Variants in SOX5 observed in about 807,000 individuals in gnomAD.
SOX5 encodes the protein SRY-box transcription factor 5, also known as transcription factor SOX-5.
SOX5 carries 9 observed loss-of-function variants against 92.0 expected under a neutral mutation model. The ratio of observed to expected loss-of-function variants is 0.10; its 90% CI spans 0.06 to 0.17. The LOEUF is 0.17. SOX5 is among the 10% of genes least tolerant of loss of function. The probability of loss-of-function intolerance (pLI) is 1.00; values close to 1 mark genes in which losing one functional copy is unlikely to be tolerated. For synonymous variants in SOX5, 344 were observed against 336.3 expected (o/e 1.02, Z -0.25); for missense variants, 642 against 944.5 (o/e 0.68, Z 4.20).
At chr12:24,363,455 T>C (rs1194935016) in intron 2 of SOX5, among the ~76,000 whole-genome samples, 1 of 152,066 alleles carries the variant, frequency 6.6e-6, no homozygotes. Flanking sequence ...CAATATTGAG[T>C]AGAAAGAGCA....
At chr12:23,980,127 G>A (rs529790185) in intron 4 of SOX5, among the ~76,000 whole-genome samples, 28 of 152,074 alleles carry the variant, frequency 1.8e-4, no homozygotes, top group Non-Finnish European at 4.0e-4. Context: ...GCCATAATGA[G>A]TTTTTTTAGC....
intron 1 of SOX5, among the ~76,000 whole-genome samples, chr12:24,420,626 G>C (rs969290335): frequency 2.0e-5 from 3 of 152,072 alleles, no homozygotes; most frequent in Non-Finnish European, 1.5e-5. Flanking sequence ...TATATGAACT[G>C]TACAACTTGG....
chr12:24,253,262 G>A (rs1404552300), intron 3 of SOX5, among the ~76,000 whole-genome samples: 9 of 144,624 alleles, frequency 6.2e-5, no homozygotes, highest in African/African-American at 1.3e-4. Flanking sequence ...AGAGAAGCAC[G>A]TGCACATCTT....
At chr12:24,556,938 G>T (rs1351658791) in intron 1 of SOX5, among the ~76,000 whole-genome samples, 3 of 152,108 alleles carry the variant, frequency 2.0e-5, no homozygotes, top group African/African-American at 7.2e-5. Flanking sequence ...CGTTATTAAT[G>T]ATCAGAACCT....
intron 7 of SOX5, among the ~76,000 whole-genome samples, chr12:23,661,170 C>A (rs376526094): frequency 5.9e-5 from 9 of 152,100 alleles, no homozygotes; most frequent in Non-Finnish European, 1.0e-4. Context: ...GCCAATCATG[C>A]GGATTTTTAA....
intron 9 of SOX5, among the ~76,000 whole-genome samples, chr12:23,588,518 A>T (rs1287209342): frequency 6.6e-6 from 1 of 152,034 alleles, no homozygotes; most frequent in Non-Finnish European, 1.5e-5. Context: ...ATAAATTTAC[A>T]GTCTGAATTC....
At chr12:24,397,248 T>C (rs1334493718) in intron 1 of SOX5, among the ~76,000 whole-genome samples, 1 of 152,126 alleles carries the variant, frequency 6.6e-6, no homozygotes, top group Non-Finnish European at 1.5e-5. Context: ...GAAAAGGTGA[T>C]TGAGGGAAAT....
chr12:23,588,986 TAA>T (rs955213769), intron 9 of SOX5, among the ~76,000 whole-genome samples: 6 of 151,938 alleles, frequency 3.9e-5, no homozygotes, highest in Admixed American at 3.9e-4. Context: ...TCATGTAACC[TAA>T]GTGTGTAGTA....
chr12:24,266,034 A>ATGTGTGTGTGTG (rs59696898), intron 3 of SOX5, among the ~76,000 whole-genome samples: 15 of 127,716 alleles, frequency 1.2e-4, no homozygotes, highest in African/African-American at 4.4e-4. Flanking sequence ...ATGCCAGCTA[A>ATGTGTGTGTGTG]TGTGTGTGTG....
chr12:23,762,431 C>T, intron 3 of SOX5: 1 of 394,718 alleles, frequency 2.5e-6, no homozygotes, highest in Non-Finnish European at 4.5e-6. Context: ...TAATATAACA[C>T]ATACCACAAC....
chr12:23,948,283 A>C (rs1944951243), intron 1 of SOX5, among the ~76,000 whole-genome samples: 2 of 151,632 alleles, frequency 1.3e-5, no homozygotes, highest in African/African-American at 4.8e-5. Context: ...TGTGTTGGCT[A>C]TTTTACTTTC....
At chr12:24,236,625 T>C (rs1277637440) in intron 3 of SOX5, among the ~76,000 whole-genome samples, 2 of 152,202 alleles carry the variant, frequency 1.3e-5, no homozygotes, top group African/African-American at 4.8e-5. Flanking sequence ...GACTCTGAAA[T>C]GCAGTTGTGG....
At chr12:23,983,393 G>A (rs1486846706) in intron 4 of SOX5, among the ~76,000 whole-genome samples, 1 of 152,124 alleles carries the variant, frequency 6.6e-6, no homozygotes, top group East Asian at 1.9e-4. Flanking sequence ...TGATAACACT[G>A]TGCCATTCTG....
intron 3 of SOX5, among the ~76,000 whole-genome samples, chr12:24,245,035 G>A (rs909227699): frequency 2.0e-5 from 3 of 151,970 alleles, no homozygotes; most frequent in African/African-American, 7.2e-5. Flanking sequence ...CATGTTTCAG[G>A]GAAGCCTTCC....
chr12:24,196,167 G>A (rs1423573451), intron 4 of SOX5, among the ~76,000 whole-genome samples: 1 of 152,280 alleles, frequency 6.6e-6, no homozygotes, highest in Non-Finnish European at 1.5e-5. Flanking sequence ...TTATAGGCGT[G>A]AGCCACCACG....
intron 4 of SOX5, among the ~76,000 whole-genome samples, chr12:24,028,864 G>C (rs1260405553): frequency 6.6e-6 from 1 of 151,818 alleles, no homozygotes; most frequent in African/African-American, 2.4e-5. Context: ...TTATTTAGTG[G>C]GTTTAAAATA....
intron 8 of SOX5, among the ~76,000 whole-genome samples, chr12:23,617,852 G>A (rs2076749233): frequency 6.6e-6 from 1 of 152,076 alleles, no homozygotes; most frequent in African/African-American, 2.4e-5. Context: ...TTTTGCGAGA[G>A]TCATGTAAGA....
intron 4 of SOX5, among the ~76,000 whole-genome samples, chr12:23,746,550 T>C (rs2093990982): frequency 6.6e-6 from 1 of 152,126 alleles, no homozygotes. Context: ...CCTGTTCCAG[T>C]CCCCTTAGAA....
At chr12:24,082,432 A>AAAAAAAAT (rs1943472446) in intron 4 of SOX5, among the ~76,000 whole-genome samples, 1 of 147,502 alleles carries the variant, frequency 6.8e-6, no homozygotes, top group Non-Finnish European at 1.5e-5. Context: ...AAAAAAAAAA[A>AAAAAAAAT]AAGATGTATC....
Sources: allele counts gnomAD v4.1 joint callset (sites outside exome capture counted in the v4.1 genomes callset), GRCh38; gene constraint gnomAD v4.1.1; transcripts MANE v1.5; gene names NCBI Gene and HGNC (gene_info 2026-07-23, HGNC 2026-07-21).